The following ELOVL6 variants were observed in gnomAD, a reference collection of about 807,000 sequenced individuals.
ELOVL6 encodes ELOVL fatty acid elongase 6, also known as very long chain fatty acid elongase 6.
In ELOVL6, 8 loss-of-function variants were observed where a neutral mutation model predicts 31.7. The observed-to-expected ratio is 0.25, with a 90% CI of 0.15 to 0.45. The LOEUF is 0.45. Ranked by LOEUF, ELOVL6 falls within the 20% of genes least tolerant of loss-of-function variation. ELOVL6 has a pLI of 1.00. For missense variants in ELOVL6, 126 were observed against 326.4 expected (o/e 0.39, Z 4.73); for synonymous variants, 101 against 117.7 (o/e 0.86, Z 0.92).
At chr4:110,082,071 A>C (rs1376304396) in intron 2 of ELOVL6, among the ~76,000 whole-genome samples, 1 of 146,232 alleles carries the variant, frequency 6.8e-6, no homozygotes, top group African/African-American at 2.5e-5. Context: ...TTAGAATGGC[A>C]ATCATTAAAA....
chr4:110,189,066 C>A (rs1015135353), intron 1 of ELOVL6, among the ~76,000 whole-genome samples: 8 of 151,820 alleles, frequency 5.3e-5, no homozygotes, highest in African/African-American at 1.7e-4. Flanking sequence ...TCACTTGAGG[C>A]CAACAGTTCA....
At chr4:110,128,567 T>C (rs1186145719) in intron 1 of ELOVL6, among the ~76,000 whole-genome samples, 3 of 152,142 alleles carry the variant, frequency 2.0e-5, no homozygotes, top group Non-Finnish European at 4.4e-5. Flanking sequence ...TACAGGAAGT[T>C]CCTGCATCTG....
At chr4:110,065,362 C>T (rs1202861906) in intron 2 of ELOVL6, among the ~76,000 whole-genome samples, 1 of 152,176 alleles carries the variant, frequency 6.6e-6, no homozygotes, top group Non-Finnish European at 1.5e-5. Flanking sequence ...CACAATGGCT[C>T]ATGGCTGTAA....
At chr4:110,163,929 A>G (rs1758698926) in intron 1 of ELOVL6, among the ~76,000 whole-genome samples, 1 of 152,190 alleles carries the variant, frequency 6.6e-6, no homozygotes, top group Non-Finnish European at 1.5e-5. Flanking sequence ...GCAATTTGGG[A>G]GCAATGAAAA....
intron 2 of ELOVL6, among the ~76,000 whole-genome samples, chr4:110,095,097 G>C (rs1186391033): frequency 1.3e-5 from 2 of 152,180 alleles, no homozygotes; most frequent in Admixed American, 6.5e-5. Context: ...TATAGAGAAG[G>C]AATTTTAAGT....
intron 1 of ELOVL6, among the ~76,000 whole-genome samples, chr4:110,114,920 C>G (rs1225143993): frequency 6.6e-6 from 1 of 152,006 alleles, no homozygotes; most frequent in Non-Finnish European, 1.5e-5. Context: ...TAAACATATC[C>G]ATGTTTATGA....
chr4:110,180,454 G>A (rs1274459976), intron 1 of ELOVL6, among the ~76,000 whole-genome samples: 2 of 152,178 alleles, frequency 1.3e-5, no homozygotes, highest in African/African-American at 4.8e-5. Context: ...TACAATCATG[G>A]TTAACTGCTG....
chr4:110,173,430 A>T (rs993623178), intron 1 of ELOVL6, among the ~76,000 whole-genome samples: 2 of 151,896 alleles, frequency 1.3e-5, no homozygotes, highest in Non-Finnish European at 2.9e-5. Flanking sequence ...TCAGACTATC[A>T]TCTAAAATTG....
At chr4:110,151,974 G>GTCCT (rs1758291696) in intron 1 of ELOVL6, among the ~76,000 whole-genome samples, 1 of 152,256 alleles carries the variant, frequency 6.6e-6, no homozygotes, top group South Asian at 2.1e-4. Flanking sequence ...CAACTAAAAA[G>GTCCT]TCCTTATCTG....
intron 1 of ELOVL6, among the ~76,000 whole-genome samples, chr4:110,109,680 T>C (rs896507314): frequency 6.6e-6 from 1 of 152,240 alleles, no homozygotes; most frequent in Admixed American, 6.5e-5. Flanking sequence ...AATACATGTT[T>C]TTTTAAACTC....
At chr4:110,190,519 TTTTGAGA>T (rs1327827983) in intron 1 of ELOVL6, among the ~76,000 whole-genome samples, 2 of 152,218 alleles carry the variant, frequency 1.3e-5, no homozygotes, top group Non-Finnish European at 2.9e-5. Context: ...TTTTGTTTTG[TTTTGAGA>T]CGGAGTCTCA....
chr4:110,163,913 T>C (rs1560852263), intron 1 of ELOVL6, among the ~76,000 whole-genome samples: 2 of 152,198 alleles, frequency 1.3e-5, no homozygotes, highest in African/African-American at 4.8e-5. Context: ...TGAGTCATAG[T>C]GACAGGCAAT....
rs1560815193 is a variant in ELOVL6 at position 110,084,400 on chromosome 4, T to TATC, written c.221+21096_221+21097insGAT. On this transcript the variant is annotated intron_variant, in intron 2 of 3. Transcript: ENST00000302274. ...TGATATATATCGCATATATGATATATGATATATGACATACATGATATATCA... is the reference window on the plus strand; with the variant it reads ...TGATATATATCGCATATATGATATATATCGATATATGACATACATGATATATCA... Among the ~76,000 whole-genome samples the TATC allele has an allele frequency of 1.6e-4, 15 of 91,564 alleles. 1 individual carries two copies. Among genetic ancestry groups the TATC allele is most frequent in the South Asian group, 1.3e-3 (4 of 3,170 alleles). 60.1% of individuals were successfully genotyped at this position (91,564 alleles called of 152,430 possible). A position where few individuals can be genotyped will look rare whatever the true frequency, so the allele number is the denominator to read the frequency against.
rs1490202192 is a variant in ELOVL6, at chr4:110,084,338, A to G, written c.221+21159T>C. 9.7e-5 allele frequency among the ~76,000 whole-genome samples: 12 copies of G among 124,222 alleles called. 1 individual carries two copies. Among genetic ancestry groups the G allele is most frequent in the African/African-American group, 3.7e-4 (12 of 32,864 alleles). The allele number at this position is 124,222 out of a possible 152,430, so 81.5% of individuals were successfully genotyped here. ...CATATATAAATTTGATATATATCACATATATGATATATGATATATACCGCA... is the reference window on the plus strand; with the variant it reads ...CATATATAAATTTGATATATATCACGTATATGATATATGATATATACCGCA... On this transcript the variant is annotated intron_variant, in intron 2 of 3. Coordinates refer to ENST00000302274, the MANE Select transcript of ELOVL6 (RefSeq NM_024090.3).
intron 2 of ELOVL6, among the ~76,000 whole-genome samples, chr4:110,075,595 T>C (rs539670078): frequency 6.6e-6 from 1 of 152,256 alleles, no homozygotes; most frequent in Non-Finnish European, 1.5e-5. Flanking sequence ...ATGGTGGTTG[T>C]TGGGTTAGGG....
chr4:110,147,411 A>T (rs1284427910), intron 1 of ELOVL6, among the ~76,000 whole-genome samples: 1 of 152,148 alleles, frequency 6.6e-6, no homozygotes, highest in Admixed American at 6.5e-5. Context: ...AGCACAGGCA[A>T]CAAAAACAAA....
intron 2 of ELOVL6, among the ~76,000 whole-genome samples, chr4:110,069,014 G>A (rs1444111717): frequency 6.6e-6 from 1 of 151,796 alleles, no homozygotes; most frequent in African/African-American, 2.4e-5. Context: ...TGGTGGCAGC[G>A]CCTGTAGTCC....
intron 2 of ELOVL6, among the ~76,000 whole-genome samples, chr4:110,076,128 G>A (rs1018030529): frequency 2.0e-5 from 3 of 152,180 alleles, no homozygotes; most frequent in African/African-American, 7.2e-5. Context: ...GTCACAGCTA[G>A]CATCCTGACA....
In ELOVL6 at chr4:110,127,402, G is replaced by A. The variant is rs565115474; in HGVS notation, c.90-21774C>T. ...AGCCTGGGTGACAGAGCGAGATTCC[G>A]TCTCAAAAAAAAAAAAAAAAAAAGA... On this transcript the variant is annotated intron_variant, in intron 1 of 3. Transcript: ENST00000302274. Among the ~76,000 whole-genome samples, 11 of 29,940 alleles carry A rather than the reference G, an allele frequency of 3.7e-4. No individual in the cohort carries two copies. The East Asian group carries it at 0.023, about 64-fold the overall frequency. 19.6% of individuals were successfully genotyped at this position (29,940 alleles called of 152,430 possible).
Sources: gnomAD v4.1 joint callset for allele counts (sites outside exome capture counted in the v4.1 genomes callset) on GRCh38, gnomAD v4.1.1 for gene constraint, MANE v1.5 for transcripts, NCBI Gene and HGNC (gene_info 2026-07-23, HGNC 2026-07-21) for gene names.